Variants in DDX17 observed in about 807,000 individuals in gnomAD.
The protein encoded by DDX17 is DEAD-box helicase 17.
DDX17 carries 10 observed loss-of-function variants against 80.8 expected under a neutral mutation model. The observed-to-expected ratio is 0.12, with a 90% CI of 0.08 to 0.21. The LOEUF (loss-of-function observed/expected upper bound fraction) is 0.21. Ranked by LOEUF, DDX17 falls within the 10% of genes least tolerant of loss-of-function variation. The pLI, the probability that DDX17 is intolerant of heterozygous loss-of-function variation, is 1.00. For synonymous variants in DDX17, 339 were observed against 336.2 expected (o/e 1.01, Z -0.09); for missense variants, 586 against 957.4 (o/e 0.61, Z 5.12).
intron 5 of DDX17, among the ~76,000 whole-genome samples, chr22:38,496,639 C>T (rs929853745): frequency 6.6e-6 from 1 of 152,048 alleles, no homozygotes; most frequent in African/African-American, 2.4e-5. Flanking sequence ...TGTGAGCCAC[C>T]ATGCCTGGCC....
At position 38,483,867 on chromosome 22, in the gene DDX17, G is replaced by A. The variant is rs555338032; in HGVS notation, c.*2068C>T. 6.6e-6 allele frequency: 1 copy of A among 152,296 alleles called. No individual in the cohort carries two copies. Among genetic ancestry groups the A allele is most frequent in the Admixed American group, 6.5e-5 (1 of 15,284 alleles). 9.4% of individuals were successfully genotyped at this position (152,296 alleles called of 1,614,324 possible). A position where few individuals can be genotyped will look rare whatever the true frequency, so the allele number is the denominator to read the frequency against. On this transcript the variant is annotated 3_prime_UTR_variant, in exon 13 of 13. Transcript: ENST00000403230. ...CATGGAGGCAGAAGAGTTAAACTCT[G>A]CTAGATTTCAGCTGTGCTCAGGCCA...
At chr22:38,498,343 C>T in intron 4 of DDX17, 97 bp downstream of exon 4, 1 of 1,530,320 alleles carries the variant, frequency 6.5e-7, no homozygotes, top group East Asian at 2.3e-5. Context: ...ATCTAACTAT[C>T]TGAATGGCAC....
chr22:38,493,995 G>A lies in DDX17; in HGVS notation c.1325+26C>T, dbSNP rs769120932. The A allele has an allele frequency of 3.7e-5, 58 of 1,550,168 alleles. No individual in the cohort carries two copies. The Admixed American group carries it at 6.8e-4, about 18-fold the overall frequency. ...TTTCCAGTTAACTATAAAACCAGAG[G>A]TTAATTGCCTTGGTGCTATACTCAC... On this transcript the variant is annotated intron_variant, in intron 9 of 12. Coordinates refer to ENST00000403230, the MANE Select transcript of DDX17 (RefSeq NM_006386.5).
At position 38,491,923 on chromosome 22, in the gene DDX17, AT is replaced by A. The variant is rs990567829; in HGVS notation, c.1447+132del. On this transcript the variant is annotated intron_variant, in intron 11 of 12. Coordinates refer to ENST00000403230, the MANE Select transcript of DDX17 (RefSeq NM_006386.5). ...GGGAATGGGGAGAATCACGCTTTGT[AT>A]TTTTTTCTTTCAAATATTTATCTAA... is the stretch of plus-strand genomic sequence containing the variant. The A allele has an allele frequency of 8.2e-6, 5 of 607,740 alleles. No individual in the cohort carries two copies. The East Asian group carries it at 1.7e-4, about 20-fold the overall frequency. The allele number at this position is 607,740 out of a possible 1,614,324, so 37.6% of individuals were successfully genotyped here. A position where few individuals can be genotyped will look rare whatever the true frequency, so the allele number is the denominator to read the frequency against.
intron 11 of DDX17, chr22:38,488,486 A>C: frequency 9.1e-7 from 1 of 1,102,404 alleles, no homozygotes; most frequent in African/African-American, 1.6e-5. Flanking sequence ...CATAGAACAA[A>C]GTGGTAAACC....
intron 2 of DDX17, 81 bp downstream of exon 2, chr22:38,501,049 A>G (rs2089825400): frequency 6.7e-7 from 1 of 1,488,724 alleles, no homozygotes; most frequent in Admixed American, 2.5e-5. Flanking sequence ...TAAAACGGCA[A>G]CAGTAGCGTA....
At chr22:38,499,137 A>G (rs577507674) in intron 3 of DDX17, among the ~76,000 whole-genome samples, 2 of 152,246 alleles carry the variant, frequency 1.3e-5, no homozygotes, top group African/African-American at 4.8e-5. Flanking sequence ...GCAAATTCAC[A>G]TTATATCCAG....
In DDX17 at chr22:38,483,473, AAG is replaced by A. The variant is rs1370539334; in HGVS notation, c.*2460_*2461del. The A allele has an allele frequency of 6.6e-6, 1 of 152,618 alleles. No individual in the cohort carries two copies. Among genetic ancestry groups the A allele is most frequent in the African/African-American group, 2.4e-5 (1 of 41,468 alleles). 9.5% of individuals were successfully genotyped at this position (152,618 alleles called of 1,614,324 possible). A position where few individuals can be genotyped will look rare whatever the true frequency, so the allele number is the denominator to read the frequency against. Reference sequence around the variant, plus strand: ...CAGTGTTTTTATTTATACCTACAAAAAGAAAACAAGATGATGGTATCAAAAGG... The same window carrying A: ...CAGTGTTTTTATTTATACCTACAAAAAAAACAAGATGATGGTATCAAAAGG... On this transcript the variant is annotated 3_prime_UTR_variant, in exon 13 of 13. Coordinates refer to ENST00000403230, the MANE Select transcript of DDX17 (RefSeq NM_006386.5).
intron 8 of DDX17, chr22:38,494,419 G>T (rs1002901768): frequency 1.4e-5 from 9 of 628,934 alleles, no homozygotes; most frequent in Non-Finnish European, 2.2e-5. Flanking sequence ...CTTGTAATCA[G>T]CAGAGCTAAA....
intron 6 of DDX17, 69 bp from the exon 7 acceptor site, chr22:38,495,115 T>C (rs374145577): frequency 4.7e-6 from 7 of 1,502,852 alleles, no homozygotes; most frequent in East Asian, 2.3e-5. Context: ...TTCTAGCACT[T>C]TGGGAAGAGG....
rs770869929 is a variant in DDX17, at chr22:38,489,816, G to T, written c.1448-1701C>A. 2.3e-5 allele frequency: 23 copies of T among 985,450 alleles called. No individual in the cohort carries two copies. Among genetic ancestry groups the T allele is most frequent in the Non-Finnish European group, 2.8e-5 (23 of 830,106 alleles). The allele number at this position is 985,450 out of a possible 1,614,324, so 61.0% of individuals were successfully genotyped here. On this transcript the variant is annotated intron_variant, in intron 11 of 12. Coordinates refer to ENST00000403230, the MANE Select transcript of DDX17 (RefSeq NM_006386.5). This position sits in a 1 kb window ranked among gnomAD's most constrained non-coding sequence, Gnocchi z 4.6. ...GTCGTTGACGCAACAAAGGAAAAAA[G>T]AATTTACAGGGCCAGGGTGGATGTA...
Position 38,489,118 on chromosome 22 carries a change from T to C in DDX17, c.1448-1003A>G. 1 of 984,554 alleles carries C rather than the reference T, an allele frequency of 1.0e-6. No homozygotes were observed. Among genetic ancestry groups the C allele is most frequent in the East Asian group, 1.1e-4 (1 of 8,810 alleles). The allele number at this position is 984,554 out of a possible 1,614,324, so 61.0% of individuals were successfully genotyped here. ...GAATATAACAAAGAATCCTACTGTT[T>C]TGTGGAAAAAAATCTGCATTTTACA... On this transcript the variant is annotated intron_variant, in intron 11 of 12. Coordinates refer to ENST00000403230, the MANE Select transcript of DDX17 (RefSeq NM_006386.5). This position sits in a 1 kb window ranked among gnomAD's most constrained non-coding sequence, Gnocchi z 4.6.
At chr22:38,498,020 C>T in intron 5 of DDX17, 65 bp downstream of exon 5, 1 of 1,491,224 alleles carries the variant, frequency 6.7e-7, no homozygotes, top group East Asian at 2.3e-5. Context: ...TGTAAAGCAC[C>T]AAGCCTAAAT....
intron 3 of DDX17, among the ~76,000 whole-genome samples, chr22:38,498,908 G>C (rs1208848204): frequency 1.3e-5 from 2 of 152,100 alleles, no homozygotes; most frequent in African/African-American, 4.8e-5. Context: ...CCAGCTACTC[G>C]GGAGGGTGAA....
In DDX17 at chr22:38,485,836, AAGG is replaced by A. The variant is rs1351834821; in HGVS notation, c.*96_*98del. On this transcript the variant is annotated 3_prime_UTR_variant, in exon 13 of 13. Transcript: ENST00000403230. ...AAAAATTAAAAAAAAAAAAAGAAAAAAGGAAAAAAAAAGAAAAGGCGAAGAGGA... is the reference window on the plus strand; with the variant it reads ...AAAAATTAAAAAAAAAAAAAGAAAAAAAAAAAAAAGAAAAGGCGAAGAGGA... 7.7e-6 allele frequency: 11 copies of A among 1,419,428 alleles called. No homozygotes were observed. The Admixed American group carries it at 3.4e-4, about 44-fold the overall frequency. The allele number at this position is 1,419,428 out of a possible 1,614,324, so 87.9% of individuals were successfully genotyped here. A position where few individuals can be genotyped will look rare whatever the true frequency, so the allele number is the denominator to read the frequency against.
intron 11 of DDX17, chr22:38,491,016 T>G (rs2089708705): frequency 6.5e-6 from 1 of 152,862 alleles, no homozygotes; most frequent in Non-Finnish European, 1.5e-5. Flanking sequence ...CAACCATTAC[T>G]GAAAGCTTTA....
In DDX17 at chr22:38,489,832, G is replaced by A. The variant is rs777656013; in HGVS notation, c.1448-1717C>T. 2.0e-6 allele frequency: 2 copies of A among 985,838 alleles called. No homozygotes were observed. Among genetic ancestry groups the A allele is most frequent in the Admixed American group, 6.1e-5 (1 of 16,320 alleles). The allele number at this position is 985,838 out of a possible 1,614,324, so 61.1% of individuals were successfully genotyped here. On this transcript the variant is annotated intron_variant, in intron 11 of 12. Transcript: ENST00000403230. This position sits in a 1 kb window ranked among gnomAD's most constrained non-coding sequence, Gnocchi z 4.6. ...AGGAAAAAAGAATTTACAGGGCCAGGGTGGATGTAAGACAGGGGGTGGGGA... is the reference window on the plus strand; with the variant it reads ...AGGAAAAAAGAATTTACAGGGCCAGAGTGGATGTAAGACAGGGGGTGGGGA...
chr22:38,489,451 C>T lies in DDX17; in HGVS notation c.1448-1336G>A. ...GTAGCCCCATTTGGTTGCCAAGCGCCGGAGAACCTGGGTTCGGGTAAAAAT... is the reference window on the plus strand; with the variant it reads ...GTAGCCCCATTTGGTTGCCAAGCGCTGGAGAACCTGGGTTCGGGTAAAAAT... On this transcript the variant is annotated intron_variant, in intron 11 of 12. Coordinates refer to ENST00000403230, the MANE Select transcript of DDX17 (RefSeq NM_006386.5). The surrounding 1 kb of genome is among the most constrained non-coding windows in gnomAD (Gnocchi z 4.6). 2 of 985,692 alleles carry T rather than the reference C, an allele frequency of 2.0e-6. No individual in the cohort carries two copies. Among genetic ancestry groups the T allele is most frequent in the Non-Finnish European group, 2.4e-6 (2 of 829,920 alleles). The allele number at this position is 985,692 out of a possible 1,614,324, so 61.1% of individuals were successfully genotyped here.
At chr22:38,499,201 GA>G (rs1395764533) in intron 3 of DDX17, among the ~76,000 whole-genome samples, 198 bp downstream of exon 3, 1 of 152,076 alleles carries the variant, frequency 6.6e-6, no homozygotes, top group Non-Finnish European at 1.5e-5. Context: ...CAAAACCCTA[GA>G]AAAAGACAAA....
Sources: allele counts gnomAD v4.1 joint callset (sites outside exome capture counted in the v4.1 genomes callset), GRCh38; gene constraint gnomAD v4.1.1; non-coding constraint Gnocchi (gnomAD v3.1); transcripts MANE v1.5; gene names NCBI Gene and HGNC (gene_info 2026-07-23, HGNC 2026-07-21).